The following SPAM1 variants were observed in gnomAD, a reference collection of about 807,000 sequenced individuals.
The protein encoded by SPAM1 is sperm adhesion molecule 1.
SPAM1 carries 22 observed loss-of-function variants against 29.6 expected under a neutral mutation model. The ratio of observed to expected loss-of-function variants is 0.74; its 90% CI spans 0.53 to 1.06. SPAM1 has a LOEUF of 1.06. Ranked by LOEUF, SPAM1 falls within the 50% of genes least tolerant of loss-of-function variation. SPAM1 has a pLI of 0.00. For synonymous variants in SPAM1, 194 were observed against 204.6 expected (o/e 0.95, Z 0.44); for missense variants, 534 against 604.0 (o/e 0.88, Z 1.21).
At chr7:123,946,461 G>A (rs1362515515) in intron 1 of SPAM1, among the ~76,000 whole-genome samples, 1 of 152,098 alleles carries the variant, frequency 6.6e-6, no homozygotes, top group Non-Finnish European at 1.5e-5. Flanking sequence ...TAAACCAAAA[G>A]GTATCTGAGA....
intron 1 of SPAM1, among the ~76,000 whole-genome samples, chr7:123,928,518 C>A (rs1445915757): frequency 6.6e-6 from 1 of 152,084 alleles, no homozygotes; most frequent in African/African-American, 2.4e-5. Context: ...TAAGAGGGCC[C>A]ACAAATATTG....
chr7:123,936,324 G>T (rs1021791279), intron 1 of SPAM1, among the ~76,000 whole-genome samples: 6 of 152,190 alleles, frequency 3.9e-5, no homozygotes, highest in Admixed American at 1.3e-4. Flanking sequence ...TAGGGTTATT[G>T]ATTGGTTGGG....
rs752790409 is a variant in SPAM1, at chr7:123,959,523, C to T, written c.1084C>T (p.Leu362=). The T allele has an allele frequency of 2.5e-5, 41 of 1,612,418 alleles. No homozygotes were observed. The highest frequency in any genetic ancestry group is 3.2e-5 in the Non-Finnish European group (38 of 1,179,216). The change falls in exon 5 of 5, where the codon CTG becomes TTG. Residue 362 remains leucine, a synonymous_variant. Transcript: ENST00000682466. ...CCTAGACAATTACATGGAGACTATA[C>T]TGAATCCTTACATAATCAACGTCAC... ...LLLDNYMETI[L]NPYIINVTLA... is the part of the protein sequence containing the mutation.
chr7:123,959,890 C>T lies in SPAM1; in HGVS notation c.1451C>T (p.Ala484Val), dbSNP rs376375180. The T allele has an allele frequency of 1.2e-6, 2 of 1,612,942 alleles. No homozygotes were observed. The highest frequency in any genetic ancestry group is 1.7e-6 in the Non-Finnish European group (2 of 1,179,482). Reference protein sequence around the residue: ...ETEEPQIFYNASPSTLSATMF... With the variant: ...ETEEPQIFYNVSPSTLSATMF... ...GAAGAACCTCAAATTTTCTACAATG[C>T]TTCACCCTCCACACTATCTGCCACA... The change falls in exon 5 of 5, where the codon GCT becomes GTT. Residue 484 changes from alanine (A) to valine (V), a missense_variant. Physicochemically the swap from Ala to Val is moderately conservative, Grantham distance 64. Coordinates refer to ENST00000682466, the MANE Select transcript of SPAM1 (RefSeq NM_153189.3).
At chr7:123,931,173 T>C (rs1162389120) in intron 1 of SPAM1, among the ~76,000 whole-genome samples, 1 of 152,164 alleles carries the variant, frequency 6.6e-6, no homozygotes, top group Non-Finnish European at 1.5e-5. Flanking sequence ...CAAAAGTTTT[T>C]ATCTGACCTT....
chr7:123,958,855 A>G (rs1220226237), intron 4 of SPAM1, among the ~76,000 whole-genome samples: 1 of 151,908 alleles, frequency 6.6e-6, no homozygotes, highest in Non-Finnish European at 1.5e-5. Flanking sequence ...AAATTGTCTG[A>G]CAAATGTGGT....
chr7:123,935,871 A>T (rs186521271), intron 1 of SPAM1, among the ~76,000 whole-genome samples: 317 of 152,252 alleles, frequency 2.1e-3, no homozygotes, highest in Non-Finnish European at 3.8e-3. Context: ...TTCTATCCTA[A>T]CCTATTTTAT....
chr7:123,959,050 C>T (rs1207852417), intron 4 of SPAM1, among the ~76,000 whole-genome samples: 1 of 151,860 alleles, frequency 6.6e-6, no homozygotes, highest in African/African-American at 2.4e-5. Flanking sequence ...AATCAATTTG[C>T]CCAAAGTCAC....
At chr7:123,950,400 A>T (rs994190757) in intron 2 of SPAM1, among the ~76,000 whole-genome samples, 1 of 151,980 alleles carries the variant, frequency 6.6e-6, no homozygotes, top group Non-Finnish European at 1.5e-5. Flanking sequence ...TAATTTTTCA[A>T]TCCTCATCCC....
rs12706563 is a variant in SPAM1, at chr7:123,969,994, G to A, written c.1486-204G>A. ...TTCTCTTTTTCCTAGAGTGGTGGTCGTAGGAATTAATAAATTATATCTTCT... is the reference window on the plus strand; with the variant it reads ...TTCTCTTTTTCCTAGAGTGGTGGTCATAGGAATTAATAAATTATATCTTCT... On this transcript the variant is annotated intron_variant, in intron 5 of 6. Coordinates refer to the SPAM1 transcript ENST00000340011. Among the ~76,000 whole-genome samples the A allele has an allele frequency of 1.4e-4, 22 of 151,866 alleles. No individual in the cohort carries two copies. In the East Asian group the frequency reaches 3.7e-3, roughly 25 times the overall value.
At chr7:123,938,064 T>G (rs1808310149) in intron 1 of SPAM1, among the ~76,000 whole-genome samples, 1 of 152,076 alleles carries the variant, frequency 6.6e-6, no homozygotes, top group Admixed American at 6.6e-5. Context: ...ACTTTAGTTA[T>G]AGTTTTGCTG....
intron 5 of SPAM1, among the ~76,000 whole-genome samples, chr7:123,967,892 G>T (rs2117080803): frequency 6.6e-6 from 1 of 152,138 alleles, no homozygotes; most frequent in East Asian, 1.9e-4. Context: ...CTAGTTAGAA[G>T]GCTATTGCCA....
intron 1 of SPAM1, among the ~76,000 whole-genome samples, chr7:123,934,220 T>C (rs1302748046): frequency 2.6e-5 from 4 of 152,096 alleles, no homozygotes; most frequent in Non-Finnish European, 5.9e-5. Context: ...TATTAAGGGA[T>C]GCATAACTGT....
At chr7:123,944,585 G>C (rs1808518068) in intron 1 of SPAM1, among the ~76,000 whole-genome samples, 1 of 152,136 alleles carries the variant, frequency 6.6e-6, no homozygotes, top group South Asian at 2.1e-4. Context: ...CCTCACGTCA[G>C]ACCTAATGAG....
At chr7:123,939,910 C>A (rs1027541034) in intron 1 of SPAM1, among the ~76,000 whole-genome samples, 1 of 152,200 alleles carries the variant, frequency 6.6e-6, no homozygotes, top group Non-Finnish European at 1.5e-5. Flanking sequence ...ACCTGCCTTA[C>A]CTGAGATCTT....
chr7:123,946,975 T>A (rs1400129610), intron 1 of SPAM1, among the ~76,000 whole-genome samples: 2 of 152,160 alleles, frequency 1.3e-5, no homozygotes, highest in Non-Finnish European at 2.9e-5. Context: ...CAGGTTTGCC[T>A]GACATAGTTT....
chr7:123,945,769 G>A (rs1348907033), intron 1 of SPAM1, among the ~76,000 whole-genome samples: 1 of 152,042 alleles, frequency 6.6e-6, no homozygotes, highest in Non-Finnish European at 1.5e-5. Flanking sequence ...TGTTTTTTAA[G>A]ACAGAAAGCA....
rs1445817544 is a variant in SPAM1 at position 123,970,409 on chromosome 7, C to T, written c.*48+113C>T. The T allele has an allele frequency of 4.7e-6, 3 of 638,494 alleles. No individual in the cohort carries two copies. In the Admixed American group the frequency reaches 9.7e-5, roughly 21 times the overall value. The allele number at this position is 638,494 out of a possible 1,614,324, so 39.6% of individuals were successfully genotyped here. On this transcript the variant is annotated intron_variant, in intron 6 of 6. Transcript: ENST00000340011. ...GAGAATACTCTAAAGACCTCATTTTCACTTAATTACCTCTTAAAGATCCTG... is the reference window on the plus strand; with the variant it reads ...GAGAATACTCTAAAGACCTCATTTTTACTTAATTACCTCTTAAAGATCCTG...
intron 4 of SPAM1, among the ~76,000 whole-genome samples, chr7:123,958,823 C>G (rs964029530): frequency 2.7e-5 from 4 of 150,686 alleles, no homozygotes; most frequent in Admixed American, 2.7e-4. Context: ...CAGAGTAAGA[C>G]TTTGTCTCAG....
Sources: allele counts gnomAD v4.1 joint callset (sites outside exome capture counted in the v4.1 genomes callset), GRCh38; gene constraint gnomAD v4.1.1; transcripts MANE v1.5; gene names NCBI Gene and HGNC (gene_info 2026-07-23, HGNC 2026-07-21).